Variants in EXOC2 observed in about 807,000 individuals in gnomAD.
The protein encoded by EXOC2 is SEC5-like 1.
EXOC2 carries 70 observed loss-of-function variants against 131.8 expected under a neutral mutation model. The ratio of observed to expected loss-of-function variants is 0.53; its 90% CI spans 0.44 to 0.65. The LOEUF (loss-of-function observed/expected upper bound fraction) is 0.65, where lower values mean the gene tolerates loss of function less well. EXOC2 is among the 30% of genes least tolerant of loss of function. EXOC2 has a pLI of 0.00. For synonymous variants in EXOC2, 411 were observed against 398.4 expected, an observed-to-expected ratio of 1.03 and a Z score of -0.38; for missense variants, 923 against 1,108.6, an observed-to-expected ratio of 0.83 and a Z score of 2.38.
At chr6:527,535 C>T (rs991187886) in intron 23 of EXOC2, among the ~76,000 whole-genome samples, 3 of 152,244 alleles carry the variant, frequency 2.0e-5, no homozygotes, top group Non-Finnish European at 2.9e-5. Flanking sequence ...AACACACTTA[C>T]AAGTTTCGCT....
At chr6:673,214 G>A (rs1763951625) in intron 1 of EXOC2, among the ~76,000 whole-genome samples, 1 of 138,226 alleles carries the variant, frequency 7.2e-6, no homozygotes, top group African/African-American at 2.8e-5. Flanking sequence ...TCGCGCCATT[G>A]CACTCCAGCC....
At chr6:588,029 G>C (rs549069381) in intron 11 of EXOC2, among the ~76,000 whole-genome samples, 1 of 152,254 alleles carries the variant, frequency 6.6e-6, no homozygotes, top group East Asian at 1.9e-4. Flanking sequence ...GCTATGAGTT[G>C]GTAACTGCTG....
At position 619,046 on chromosome 6, in the gene EXOC2, G is replaced by T. The variant is rs550476767; in HGVS notation, c.536+384C>A. On this transcript the variant is annotated intron_variant, in intron 5 of 27. Coordinates refer to ENST00000230449, the MANE Select transcript of EXOC2 (RefSeq NM_018303.6). ...CCAACTCATCTTCCTTTGCCCTATG[G>T]TCAGAGAAGGCAGTGTGTTCCATGT... is the stretch of plus-strand genomic sequence containing the variant. Among the ~76,000 whole-genome samples the T allele has an allele frequency of 2.0e-4, 31 of 152,242 alleles. 1 individual carries two copies. In the South Asian group the frequency reaches 6.4e-3, roughly 32 times the overall value.
intron 10 of EXOC2, among the ~76,000 whole-genome samples, chr6:593,702 C>T (rs1482588680): frequency 2.0e-5 from 3 of 152,122 alleles, no homozygotes; most frequent in African/African-American, 7.2e-5. Context: ...AGCCATATGC[C>T]ATTCTTTGTC....
intron 12 of EXOC2, among the ~76,000 whole-genome samples, chr6:575,224 C>T (rs1364213627): frequency 6.6e-6 from 1 of 152,162 alleles, no homozygotes; most frequent in Non-Finnish European, 1.5e-5. Flanking sequence ...TGTCTCTAAT[C>T]CTAATGGAAC....
intron 5 of EXOC2, 97 bp downstream of exon 5, chr6:619,333 G>A: frequency 1.1e-6 from 1 of 918,924 alleles, no homozygotes; most frequent in Non-Finnish European, 1.7e-6. Flanking sequence ...CCATGTAACT[G>A]TATGCAGAGC....
chr6:630,683 T>G (rs1297139546), intron 3 of EXOC2, among the ~76,000 whole-genome samples: 1 of 152,218 alleles, frequency 6.6e-6, no homozygotes, highest in African/African-American at 2.4e-5. Context: ...CATGAATAGT[T>G]ATGCAAAAAT....
In EXOC2 at chr6:592,584, G is replaced by A. The variant is rs1186780317; in HGVS notation, c.1077C>T (p.Tyr359=). ...TLHDQKRYIR[Y]LSDLHASGDP... ...CACCAGACGCATGAAGGTCAGACAGGTACCTGAAAAAGCAAGTCCAAGGTT... is the reference window on the plus strand; with the variant it reads ...CACCAGACGCATGAAGGTCAGACAGATACCTGAAAAAGCAAGTCCAAGGTT... The change falls in exon 11 of 28, where the codon TAC becomes TAT. Residue 359 remains tyrosine, a synonymous_variant. Coordinates refer to ENST00000230449, the MANE Select transcript of EXOC2 (RefSeq NM_018303.6). 10 of 1,612,992 alleles carry A rather than the reference G, an allele frequency of 6.2e-6. No homozygotes were observed. Among genetic ancestry groups the A allele is most frequent in the East Asian group, 2.2e-5 (1 of 44,838 alleles).
intron 2 of EXOC2, among the ~76,000 whole-genome samples, chr6:634,170 A>G (rs1761989845): frequency 6.6e-6 from 1 of 152,052 alleles, no homozygotes; most frequent in Non-Finnish European, 1.5e-5. Context: ...CGCTCAAGCA[A>G]TTCTCCAGCC....
intron 23 of EXOC2, among the ~76,000 whole-genome samples, chr6:519,028 G>A (rs1310320017): frequency 2.0e-5 from 3 of 152,092 alleles, no homozygotes; most frequent in African/African-American, 2.4e-5. Context: ...TCAATGACAA[G>A]GACACAGAAC....
chr6:635,603 T>C (rs1160488416), intron 2 of EXOC2, among the ~76,000 whole-genome samples: 3 of 152,214 alleles, frequency 2.0e-5, no homozygotes, highest in African/African-American at 4.8e-5. Context: ...AAGTAACTCA[T>C]AGAATTCCAA....
At position 619,415 on chromosome 6, in the gene EXOC2, C is replaced by T; in HGVS notation, c.536+15G>A. The stretch of plus-strand genomic sequence containing the variant: ...AGTGAAACCCTTCACAGTTGACAGT[C>T]CCATATCCACTAACCTGGTGTTTGA... On this transcript the variant is annotated intron_variant, in intron 5 of 27. Transcript: ENST00000230449. The T allele has an allele frequency of 6.3e-7, 1 of 1,586,762 alleles. No individual in the cohort carries two copies. Among genetic ancestry groups the T allele is most frequent in the Non-Finnish European group, 8.7e-7 (1 of 1,155,352 alleles).
At chr6:650,887 A>G (rs945924619) in intron 1 of EXOC2, among the ~76,000 whole-genome samples, 3 of 152,226 alleles carry the variant, frequency 2.0e-5, no homozygotes, top group Admixed American at 2.0e-4. Flanking sequence ...ATCTTTTATT[A>G]TAGCTTGAAA....
intron 27 of EXOC2, among the ~76,000 whole-genome samples, chr6:487,069 C>G (rs1763112729): frequency 6.6e-6 from 1 of 152,204 alleles, no homozygotes; most frequent in African/African-American, 2.4e-5. Flanking sequence ...AAATTCAACT[C>G]TAAAATAATT....
intron 1 of EXOC2, among the ~76,000 whole-genome samples, chr6:674,810 G>C (rs1764036180): frequency 6.6e-6 from 1 of 152,022 alleles, no homozygotes; most frequent in Admixed American, 6.6e-5. Flanking sequence ...GCCCCTCTGA[G>C]AACTGGCTAA....
At chr6:564,501 A>C (rs1473802755) in intron 15 of EXOC2, 44 bp downstream of exon 15, 3 of 1,606,274 alleles carry the variant, frequency 1.9e-6, no homozygotes, top group Non-Finnish European at 2.5e-6. Flanking sequence ...AAAAGTTAAA[A>C]AAAACAGAAG....
chr6:632,636 T>TTA (rs1009442438), intron 3 of EXOC2, among the ~76,000 whole-genome samples: 2 of 152,218 alleles, frequency 1.3e-5, no homozygotes, highest in African/African-American at 4.8e-5. Flanking sequence ...AGCAATGTCA[T>TTA]TATATTCAAG....
intron 1 of EXOC2, among the ~76,000 whole-genome samples, chr6:653,518 G>A (rs1762925152): frequency 6.6e-6 from 1 of 152,204 alleles, no homozygotes; most frequent in South Asian, 2.1e-4. Flanking sequence ...ACCTAACCCA[G>A]TGTAAAGCCC....
intron 6 of EXOC2, among the ~76,000 whole-genome samples, chr6:615,190 T>G (rs902549240): frequency 7.3e-5 from 11 of 150,862 alleles, no homozygotes; most frequent in East Asian, 5.9e-4. Flanking sequence ...TGGGTGTGTG[T>G]GTGTGTGTGT....
Sources: gnomAD v4.1 joint callset for allele counts (sites outside exome capture counted in the v4.1 genomes callset) on GRCh38, gnomAD v4.1.1 for gene constraint, MANE v1.5 for transcripts, NCBI Gene and HGNC (gene_info 2026-07-23, HGNC 2026-07-21) for gene names.